The following MCF2 variants were observed in gnomAD, a reference collection of about 807,000 sequenced individuals.
MCF2 encodes the protein MCF.2 cell line derived transforming sequence.
A neutral mutation model predicts 82.5 loss-of-function variants in MCF2; 44 were observed. That is an observed-to-expected ratio of 0.53 (90% CI 0.42 to 0.69). The LOEUF (loss-of-function observed/expected upper bound fraction) is 0.69, where lower values mean the gene tolerates loss of function less well. Among genes scored for constraint, MCF2 ranks in the 30% least tolerant of loss-of-function variants. MCF2 has a pLI of 0.00. For missense variants in MCF2, 623 were observed against 663.1 expected (o/e 0.94, Z 0.66); for synonymous variants, 217 against 224.9 (o/e 0.96, Z 0.32).
chrX:139,680,066 G>A (rs1297501907), intron 1 of MCF2, among the ~76,000 whole-genome samples: 1 of 111,803 alleles, frequency 8.9e-6, no homozygotes, highest in Non-Finnish European at 1.9e-5. Context: ...AAAATATTAA[G>A]TGTTTAAAAT....
intron 1 of MCF2, among the ~76,000 whole-genome samples, chrX:139,656,632 T>C (rs997042553): frequency 1.1e-4 from 12 of 111,984 alleles, no homozygotes; most frequent in African/African-American, 3.6e-4. Context: ...CAGTTATCAA[T>C]TGAGCAGCTG....
intron 6 of MCF2, among the ~76,000 whole-genome samples, chrX:139,625,355 C>A (rs1201829979): frequency 2.7e-5 from 3 of 111,756 alleles, no homozygotes; most frequent in African/African-American, 9.8e-5. Flanking sequence ...CCAAGAGCAA[C>A]CTGACCTATT....
chrX:139,706,168 G>A lies in MCF2; in HGVS notation c.-45+1938C>T, dbSNP rs909061233. Reference sequence around the variant, plus strand: ...TGTGGAAAGCAGTCTGGAGATTTCTGAAAGAACTTAAAACAATTCTACCAC... The same window carrying A: ...TGTGGAAAGCAGTCTGGAGATTTCTAAAAGAACTTAAAACAATTCTACCAC... On this transcript the variant is annotated intron_variant, in intron 1 of 27. Transcript: ENST00000414978. Among the ~76,000 whole-genome samples, 4 of 112,581 alleles carry A rather than the reference G, an allele frequency of 3.6e-5. No homozygotes were observed. The Admixed American group carries it at 3.8e-4, about 11-fold the overall frequency.
intron 1 of MCF2, among the ~76,000 whole-genome samples, chrX:139,671,643 T>C (rs1934697897): frequency 9.0e-6 from 1 of 111,583 alleles, no homozygotes; most frequent in Non-Finnish European, 1.9e-5. Flanking sequence ...GTGTTATTTC[T>C]GAGGCCTCTG....
intron 1 of MCF2, among the ~76,000 whole-genome samples, chrX:139,664,645 C>T (rs1337535591): frequency 1.8e-5 from 2 of 112,619 alleles, no homozygotes; most frequent in African/African-American, 6.4e-5. Context: ...ACCGCATGAG[C>T]CCTCTTGGTG....
chrX:139,587,753 G>A (rs372568428), exon 22 of MCF2: 26 of 1,194,334 alleles, frequency 2.2e-5, no homozygotes, highest in African/African-American at 2.1e-4. Flanking sequence ...AACTTATCCC[G>A]TTCTGTTAAT....
At chrX:139,646,722 A>G, upstream of MCF2, 2 of 522,174 alleles carry the variant, frequency 3.8e-6, no homozygotes, top group Middle Eastern at 4.3e-4. Flanking sequence ...AGCCATTTTC[A>G]TGTTATGACA....
rs1163854425 is a variant in MCF2, at chrX:139,584,128, CTT to C, written c.2745+936_2745+937del. ...CTTTGTGATTATCCATGCCATTATCCTTTTTTTTTTTTTTTTTTTTTTTTGAG... is the reference window on the plus strand; with the variant it reads ...CTTTGTGATTATCCATGCCATTATCCTTTTTTTTTTTTTTTTTTTTTTGAG... On this transcript the variant is annotated intron_variant, in intron 24 of 24. Transcript: ENST00000370576. 5.6e-3 allele frequency among the ~76,000 whole-genome samples: 408 copies of C among 72,617 alleles called. 3 individuals are homozygous for C. The highest frequency in any genetic ancestry group is 0.022 in the African/African-American group (390 of 17,682). The allele number at this position is 72,617 out of a possible 115,157, so 63.1% of individuals were successfully genotyped here.
At chrX:139,661,281 A>T (rs759376352) in intron 1 of MCF2, among the ~76,000 whole-genome samples, 2 of 111,912 alleles carry the variant, frequency 1.8e-5, no homozygotes, top group Non-Finnish European at 1.9e-5. Flanking sequence ...AAGCAAGACC[A>T]GAAGCAGAAA....
At chrX:139,591,542 C>T (rs1357001056) in intron 19 of MCF2, among the ~76,000 whole-genome samples, 1 of 110,752 alleles carries the variant, frequency 9.0e-6, no homozygotes, top group Non-Finnish European at 1.9e-5. Flanking sequence ...CTCGAATCTC[C>T]CCATCTGGTC....
intron 6 of MCF2, among the ~76,000 whole-genome samples, chrX:139,621,387 A>C (rs749590586): frequency 8.9e-6 from 1 of 112,250 alleles, no homozygotes; most frequent in South Asian, 3.7e-4. Flanking sequence ...ATAACCAAAG[A>C]AGCTATCAAC....
chrX:139,610,436 T>C, intron 10 of MCF2, 98 bp from the exon 15 acceptor site: 1 of 481,037 alleles, frequency 2.1e-6, no homozygotes, highest in Non-Finnish European at 3.4e-6. Flanking sequence ...TGAGTTAATA[T>C]TCCAATATGT....
intron 1 of MCF2, among the ~76,000 whole-genome samples, chrX:139,656,319 C>A (rs112519828): frequency 0.24 from 26,108 of 111,087 alleles, 2,516 homozygotes; most frequent in African/African-American, 0.35. Flanking sequence ...GCCTCGGCCT[C>A]CCAAAGTGCT....
At chrX:139,669,083 A>G (rs1455001613) in intron 1 of MCF2, among the ~76,000 whole-genome samples, 1 of 112,147 alleles carries the variant, frequency 8.9e-6, no homozygotes, top group Non-Finnish European at 1.9e-5. Flanking sequence ...AAAGATACTA[A>G]GAAAGTGAAA....
intron 10 of MCF2, 88 bp downstream of exon 13, chrX:139,614,793 A>C: frequency 9.2e-6 from 8 of 872,445 alleles, no homozygotes; most frequent in Non-Finnish European, 1.3e-5. Context: ...ATCTATCCGC[A>C]TTGAAGAATA....
rs182909206 is a variant in MCF2 at position 139,701,107 on chromosome X, G to C, written c.-45+6999C>G. On this transcript the variant is annotated intron_variant, in intron 1 of 27. Coordinates refer to the MCF2 transcript ENST00000414978. ...CAGGGGAAATTGAAGGCCCTCTGGA[G>C]GGAAAAACTTCCCAATCTGGTATTT... Among the ~76,000 whole-genome samples the C allele has an allele frequency of 2.7e-3, 306 of 111,843 alleles. 1 individual carries two copies. In the Middle Eastern group the frequency reaches 0.028, roughly 10 times the overall value.
intron 1 of MCF2, among the ~76,000 whole-genome samples, chrX:139,634,958 T>C (rs1467710481): frequency 9.0e-6 from 1 of 111,113 alleles, no homozygotes. Flanking sequence ...TATCCAGTCA[T>C]GGTGGCATGC....
intron 1 of MCF2, among the ~76,000 whole-genome samples, chrX:139,700,062 C>A (rs1275513767): frequency 2.7e-5 from 3 of 111,514 alleles, no homozygotes; most frequent in African/African-American, 9.8e-5. Context: ...TGTCCTTGGT[C>A]TTCTTTCAGA....
chrX:139,671,217 T>A (rs1351120994), intron 1 of MCF2, among the ~76,000 whole-genome samples: 1 of 112,194 alleles, frequency 8.9e-6, no homozygotes, highest in Non-Finnish European at 1.9e-5. Context: ...ATATTAGCCC[T>A]TTGTCAGTTA....
Sources: allele counts gnomAD v4.1 joint callset (sites outside exome capture counted in the v4.1 genomes callset), GRCh38; gene constraint gnomAD v4.1.1; transcripts MANE v1.5; gene names NCBI Gene and HGNC (gene_info 2026-07-23, HGNC 2026-07-21).